SLC6A6: variants seen among roughly 807,000 people sequenced by gnomAD.
SLC6A6 encodes sodium- and chloride-dependent taurine transporter.
In SLC6A6, 16 loss-of-function variants were observed where a neutral mutation model predicts 68.8. That is an observed-to-expected ratio of 0.23 (90% CI 0.16 to 0.35). SLC6A6 has a LOEUF of 0.35. Among genes scored for constraint, SLC6A6 ranks in the 10% least tolerant of loss-of-function variants. SLC6A6 has a pLI of 1.00. For missense variants in SLC6A6, 474 were observed against 802.8 expected, an observed-to-expected ratio of 0.59 and a Z score of 4.95; for synonymous variants, 312 against 315.4, an observed-to-expected ratio of 0.99 and a Z score of 0.12.
intron 1 of SLC6A6, among the ~76,000 whole-genome samples, chr3:14,404,862 G>A (rs927751664): frequency 6.6e-6 from 1 of 152,162 alleles, no homozygotes; most frequent in African/African-American, 2.4e-5. Flanking sequence ...TGTCCTTTGG[G>A]GACACCCTTG....
chr3:14,452,928 C>T (rs1700285926), intron 5 of SLC6A6, among the ~76,000 whole-genome samples: 1 of 152,212 alleles, frequency 6.6e-6, no homozygotes, highest in African/African-American at 2.4e-5. Flanking sequence ...TCCTCCTAGG[C>T]TCCTCCAGAC....
At chr3:14,443,204 TCTGTTAATTTCTAGAAA>T (rs1700032496) in intron 2 of SLC6A6, among the ~76,000 whole-genome samples, 1 of 152,144 alleles carries the variant, frequency 6.6e-6, no homozygotes, top group Admixed American at 6.6e-5. Context: ...GAAAATAGTA[TCTGTTAATTTCTAGAAA>T]CTGCTTGCAG....
chr3:14,483,624 C>T (rs1701065017), intron 14 of SLC6A6, among the ~76,000 whole-genome samples: 1 of 152,168 alleles, frequency 6.6e-6, no homozygotes, highest in African/African-American at 2.4e-5. Flanking sequence ...GAAGGTGCTA[C>T]AAGGAGGGGA....
chr3:14,458,997 C>T (rs74710075), intron 6 of SLC6A6, among the ~76,000 whole-genome samples: 1 of 152,216 alleles, frequency 6.6e-6, no homozygotes, highest in Non-Finnish European at 1.5e-5. Context: ...TAGAGCTGAA[C>T]TGTTCCCTGA....
At chr3:14,420,099 G>A (rs1007972289) in intron 2 of SLC6A6, among the ~76,000 whole-genome samples, 3 of 152,184 alleles carry the variant, frequency 2.0e-5, no homozygotes, top group Admixed American at 6.5e-5. Context: ...GCTCAAGACC[G>A]TAATAAAATG....
Position 14,489,105 on chromosome 3 carries a change from A to G in SLC6A6, c.*4098A>G, listed in dbSNP as rs1574978250. On this transcript the variant is annotated 3_prime_UTR_variant, in exon 15 of 15. Coordinates refer to ENST00000622186, the MANE Select transcript of SLC6A6 (RefSeq NM_003043.6). ...TAAAAAAAAAATCAACCAACAAGAG[A>G]CTTTTCTGAGGAGGAACATTTGTAT... is the stretch of plus-strand genomic sequence containing the variant. The G allele has an allele frequency of 6.6e-6, 1 of 152,538 alleles. No homozygotes were observed. Among genetic ancestry groups the G allele is most frequent in the Middle Eastern group, 3.4e-3 (1 of 294 alleles). 9.4% of individuals were successfully genotyped at this position (152,538 alleles called of 1,614,324 possible).
At chr3:14,473,560 G>A (rs188824825) in intron 10 of SLC6A6, among the ~76,000 whole-genome samples, 2 of 152,282 alleles carry the variant, frequency 1.3e-5, no homozygotes, top group Admixed American at 1.3e-4. Flanking sequence ...GTCAAGCAGA[G>A]GAGGGTGAGT....
At chr3:14,419,860 C>T (rs1257250606) in intron 2 of SLC6A6, among the ~76,000 whole-genome samples, 4 of 152,162 alleles carry the variant, frequency 2.6e-5, no homozygotes, top group Non-Finnish European at 4.4e-5. Context: ...TTCACCCTCC[C>T]GGTGCCTGGG....
chr3:14,454,725 T>C (rs1263801626), intron 5 of SLC6A6, among the ~76,000 whole-genome samples: 1 of 152,196 alleles, frequency 6.6e-6, no homozygotes, highest in Non-Finnish European at 1.5e-5. Context: ...ATTAAAAACA[T>C]TGAAATAGTG....
intron 1 of SLC6A6, among the ~76,000 whole-genome samples, chr3:14,415,188 C>T (rs1427857138): frequency 2.0e-5 from 3 of 152,242 alleles, no homozygotes; most frequent in African/African-American, 4.8e-5. Context: ...GTGCCCAGTG[C>T]AGTGCCTGGC....
chr3:14,404,702 G>A (rs1263776087), intron 1 of SLC6A6, among the ~76,000 whole-genome samples: 1 of 152,210 alleles, frequency 6.6e-6, no homozygotes. Context: ...GCCTCACTAC[G>A]TCCTTGAGGG....
At chr3:14,426,767 T>G (rs1699608952) in intron 2 of SLC6A6, among the ~76,000 whole-genome samples, 1 of 152,036 alleles carries the variant, frequency 6.6e-6, no homozygotes. Flanking sequence ...TCCTCATCCC[T>G]ACCTGGGAGG....
intron 6 of SLC6A6, among the ~76,000 whole-genome samples, chr3:14,459,680 C>A (rs1181028375): frequency 6.6e-6 from 1 of 152,158 alleles, no homozygotes; most frequent in Non-Finnish European, 1.5e-5. Flanking sequence ...CTCTGTCTCA[C>A]AAGCACACCA....
Position 14,481,849 on chromosome 3 carries a change from C to T in SLC6A6, c.1722+8C>T. ...GAGGGGCCGTTCCTTGTGGTAAGTG[C>T]TTGGGCCCAGGGCCAGGGGAGGTGG... On this transcript the variant is annotated splice_region_variant and intron_variant, in intron 14 of 14. Transcript: ENST00000622186. This position sits in a 1 kb window ranked among gnomAD's most constrained non-coding sequence, Gnocchi z 4.7. 1 of 1,612,766 alleles carries T rather than the reference C, an allele frequency of 6.2e-7. No individual in the cohort carries two copies. The highest frequency in any genetic ancestry group is 8.5e-7 in the Non-Finnish European group (1 of 1,179,136).
intron 2 of SLC6A6, among the ~76,000 whole-genome samples, chr3:14,436,271 A>T (rs1421571534): frequency 6.6e-6 from 1 of 151,984 alleles, no homozygotes; most frequent in Non-Finnish European, 1.5e-5. Context: ...CATGATCACA[A>T]CTCACTGCAG....
upstream of SLC6A6, chr3:14,402,603 G>T (rs945472626): frequency 5.0e-6 from 2 of 397,766 alleles, no homozygotes; most frequent in East Asian, 3.6e-5. The surrounding 1 kb of genome is among the most constrained non-coding windows in gnomAD (Gnocchi z 4.8). Context: ...GATGGGTGAT[G>T]CTGAGAGCTG....
intron 5 of SLC6A6, among the ~76,000 whole-genome samples, chr3:14,453,753 G>GT (rs1700305214): frequency 6.6e-6 from 1 of 152,258 alleles, no homozygotes; most frequent in African/African-American, 2.4e-5. Flanking sequence ...GACCAGGGAT[G>GT]TTTTTTACAG....
At position 14,485,612 on chromosome 3, in the gene SLC6A6, A is replaced by G. The variant is rs373207672; in HGVS notation, c.*605A>G. 7.9e-5 allele frequency: 12 copies of G among 152,826 alleles called. No homozygotes were observed. The East Asian group carries it at 1.3e-3, about 17-fold the overall frequency. The allele number at this position is 152,826 out of a possible 1,614,324, so 9.5% of individuals were successfully genotyped here. On this transcript the variant is annotated 3_prime_UTR_variant, in exon 15 of 15. Coordinates refer to ENST00000622186, the MANE Select transcript of SLC6A6 (RefSeq NM_003043.6). ...AAGGAGGGCTGTGAGGAGATACCTCATTAAACTTGGCTTAGTGAAGAAGAG... is the reference window on the plus strand; with the variant it reads ...AAGGAGGGCTGTGAGGAGATACCTCGTTAAACTTGGCTTAGTGAAGAAGAG...
chr3:14,461,128 T>C (rs542037186), intron 6 of SLC6A6, among the ~76,000 whole-genome samples: 49 of 152,250 alleles, frequency 3.2e-4, no homozygotes, highest in Non-Finnish European at 5.7e-4. Flanking sequence ...AAGTTGAAAC[T>C]AGGCTGCCAT....
Sources: allele counts gnomAD v4.1 joint callset (sites outside exome capture counted in the v4.1 genomes callset), GRCh38; gene constraint gnomAD v4.1.1; non-coding constraint Gnocchi (gnomAD v3.1); transcripts MANE v1.5; gene names NCBI Gene and HGNC (gene_info 2026-07-23, HGNC 2026-07-21).